Variants in FAAP20 observed in about 807,000 individuals in gnomAD.
FAAP20 encodes FA core complex associated protein 20, also known as Fanconi anemia core complex-associated protein 20.
FAAP20 carries 12 observed loss-of-function variants against 16.2 expected under a neutral mutation model. The ratio of observed to expected loss-of-function variants is 0.74; its 90% CI spans 0.48 to 1.20. The LOEUF (loss-of-function observed/expected upper bound fraction) is 1.20, where lower values mean the gene tolerates loss of function less well. Among genes scored for constraint, FAAP20 ranks in the 50% most tolerant of loss-of-function variants. The pLI is 0.00. For synonymous variants in FAAP20, 141 were observed against 110.7 expected (o/e 1.27, Z -1.72); for missense variants, 288 against 245.8 (o/e 1.17, Z -1.15).
chr1:2,190,265 C>T (rs780001366), intron 3 of FAAP20: 2 of 456,936 alleles, frequency 4.4e-6, no homozygotes, highest in Non-Finnish European at 8.8e-6. Flanking sequence ...GGGACCAAGC[C>T]TCACCACGGA....
At chr1:2,205,379 G>C (rs1457794592) in intron 3 of FAAP20, among the ~76,000 whole-genome samples, 4 of 146,500 alleles carry the variant, frequency 2.7e-5, no homozygotes, top group Admixed American at 6.8e-5. Flanking sequence ...TCGGCGCCCA[G>C]CCTGGGGCAG....
downstream of FAAP20, among the ~76,000 whole-genome samples, chr1:2,211,226 CTTTTTTTT>C (rs56294751): frequency 2.8e-4 from 28 of 101,116 alleles, no homozygotes; most frequent in Admixed American, 2.0e-3. Context: ...TTCTTTCTTT[CTTTTTTTT>C]TTTTTTTTTT....
chr1:2,200,495 G>C (rs1689007721), upstream of FAAP20: 1 of 358,436 alleles, frequency 2.8e-6, no homozygotes, highest in South Asian at 1.1e-4. Flanking sequence ...GGAATGCCGG[G>C]GGCCCGGGGC....
intron 3 of FAAP20, chr1:2,190,168 G>A (rs1229167748): frequency 2.1e-6 from 1 of 485,808 alleles, no homozygotes; most frequent in East Asian, 6.0e-5. Context: ...GAGCCGCCGC[G>A]GCTGCGTCTA....
At chr1:2,186,343 C>T, downstream of FAAP20, 1 of 201,400 alleles carries the variant, frequency 5.0e-6, no homozygotes, top group South Asian at 5.8e-5. Flanking sequence ...GCGTGGCCCA[C>T]CCTACACACT....
chr1:2,201,450 T>C (rs979321235), upstream of FAAP20, among the ~76,000 whole-genome samples: 12 of 152,218 alleles, frequency 7.9e-5, no homozygotes, highest in African/African-American at 2.9e-4. Flanking sequence ...CTGGGCACGG[T>C]GGCTCACACC....
chr1:2,192,089 G>C, intron 3 of FAAP20: 1 of 985,560 alleles, frequency 1.0e-6, no homozygotes, highest in East Asian at 1.1e-4. Flanking sequence ...GTGCGGGACA[G>C]GGCGACGGTT....
upstream of FAAP20, among the ~76,000 whole-genome samples, chr1:2,201,837 G>A (rs1201478619): frequency 6.6e-6 from 1 of 151,882 alleles, no homozygotes; most frequent in African/African-American, 2.4e-5. Flanking sequence ...CTAACACGGT[G>A]AAACCCTGTT....
At chr1:2,204,141 C>A (rs535258780), upstream of FAAP20, among the ~76,000 whole-genome samples, 12 of 152,344 alleles carry the variant, frequency 7.9e-5, no homozygotes, top group African/African-American at 2.6e-4. Context: ...CTCCACAGAC[C>A]CTCACAGACG....
chr1:2,200,486 G>T, upstream of FAAP20: 1 of 289,688 alleles, frequency 3.5e-6, no homozygotes, highest in Non-Finnish European at 5.2e-6. Flanking sequence ...GCACGCCAGG[G>T]AATGCCGGGG....
intron 1 of FAAP20, 96 bp downstream of exon 1, chr1:2,194,592 C>T (rs1688678084): frequency 3.1e-6 from 2 of 648,886 alleles, no homozygotes; most frequent in Non-Finnish European, 4.1e-6. Context: ...GGGAGCCCTC[C>T]CCAGGGGGAG....
chr1:2,211,971 C>T (rs1337039807), downstream of FAAP20, among the ~76,000 whole-genome samples: 6 of 137,396 alleles, frequency 4.4e-5, no homozygotes, highest in South Asian at 2.3e-4. Context: ...AGTGTGATCT[C>T]GGCTCACTGC....
intron 3 of FAAP20, chr1:2,193,096 A>G: frequency 2.9e-6 from 3 of 1,048,554 alleles, no homozygotes; most frequent in Non-Finnish European, 2.6e-6. Flanking sequence ...CCCCAGCCCC[A>G]GGACCTGCTC....
At chr1:2,192,375 G>A in intron 3 of FAAP20, 9 of 993,694 alleles carry the variant, frequency 9.1e-6, no homozygotes, top group East Asian at 1.1e-4. Flanking sequence ...CTTCATTGAC[G>A]CCTACTTAGG....
chr1:2,193,092 C>A, intron 3 of FAAP20: 1 of 1,063,420 alleles, frequency 9.4e-7, no homozygotes, highest in Non-Finnish European at 1.3e-6. Context: ...ACCACCCCAG[C>A]CCCAGGACCT....
At chr1:2,187,541 T>C (rs1405409699), downstream of FAAP20, among the ~76,000 whole-genome samples, 5 of 152,032 alleles carry the variant, frequency 3.3e-5, no homozygotes, top group Non-Finnish European at 7.4e-5. Context: ...TGACCTCAGG[T>C]GATCCACCTG....
At chr1:2,210,455 C>A (rs956262324), downstream of FAAP20, among the ~76,000 whole-genome samples, 2 of 152,198 alleles carry the variant, frequency 1.3e-5, no homozygotes, top group Non-Finnish European at 2.9e-5. Context: ...CCCTGCCCTC[C>A]TACCCTCCAC....
intron 1 of FAAP20, among the ~76,000 whole-genome samples, chr1:2,206,858 A>C (rs945610613): frequency 2.8e-5 from 4 of 141,766 alleles, no homozygotes; most frequent in Non-Finnish European, 3.1e-5. Context: ...AGGCTCTGGG[A>C]CCCCTGGCCC....
downstream of FAAP20, among the ~76,000 whole-genome samples, chr1:2,210,201 G>A (rs1396700966): frequency 1.3e-5 from 2 of 152,214 alleles, no homozygotes; most frequent in African/African-American, 4.8e-5. Context: ...TCAGACAGAG[G>A]CGAGTTGGGA....
Sources: gnomAD v4.1 joint callset for allele counts (sites outside exome capture counted in the v4.1 genomes callset) on GRCh38, gnomAD v4.1.1 for gene constraint, MANE v1.5 for transcripts, NCBI Gene and HGNC (gene_info 2026-07-23, HGNC 2026-07-21) for gene names.